UNC5C: variants seen among roughly 807,000 people sequenced by gnomAD.
UNC5C encodes the protein netrin receptor UNC5C.
A neutral mutation model predicts 99.8 loss-of-function variants in UNC5C; 47 were observed. The observed-to-expected ratio is 0.47, with a 90% confidence interval of 0.37 to 0.60. The LOEUF (loss-of-function observed/expected upper bound fraction) is 0.60, where lower values mean the gene tolerates loss of function less well. Ranked by LOEUF, UNC5C falls within the 20% of genes least tolerant of loss-of-function variation. The pLI is 0.00. For missense variants in UNC5C, 1,062 were observed against 1,165.9 expected (o/e 0.91, Z 1.30); for synonymous variants, 487 against 452.2 (o/e 1.08, Z -0.98).
intron 12 of UNC5C, among the ~76,000 whole-genome samples, chr4:95,200,084 C>CT (rs1446439000): frequency 6.6e-6 from 1 of 152,184 alleles, no homozygotes; most frequent in African/African-American, 2.4e-5. Context: ...TGGCAACAGG[C>CT]TTCTAGCTCA....
chr4:95,235,633 T>C (rs1456982328), intron 7 of UNC5C, among the ~76,000 whole-genome samples: 2 of 152,242 alleles, frequency 1.3e-5, no homozygotes, highest in Non-Finnish European at 2.9e-5. Flanking sequence ...CATTGCAGTC[T>C]TTAATCCATC....
chr4:95,340,153 A>T (rs947635851), intron 1 of UNC5C, among the ~76,000 whole-genome samples: 1 of 152,108 alleles, frequency 6.6e-6, no homozygotes, highest in Non-Finnish European at 1.5e-5. Flanking sequence ...ATATTATGCT[A>T]TGAACATCAA....
chr4:95,500,346 C>A (rs1721745865), intron 1 of UNC5C, among the ~76,000 whole-genome samples: 1 of 151,966 alleles, frequency 6.6e-6, no homozygotes, highest in African/African-American at 2.4e-5. Context: ...AGAACAGGGA[C>A]TATAGAAGTG....
intron 1 of UNC5C, among the ~76,000 whole-genome samples, chr4:95,478,211 T>C (rs1721006450): frequency 6.6e-6 from 1 of 152,000 alleles, no homozygotes; most frequent in Non-Finnish European, 1.5e-5. Context: ...CTATCCATTA[T>C]GGATAGCATC....
intron 1 of UNC5C, among the ~76,000 whole-genome samples, chr4:95,370,595 G>C (rs974170409): frequency 2.0e-5 from 3 of 152,106 alleles, no homozygotes; most frequent in Non-Finnish European, 4.4e-5. Flanking sequence ...AGGTTTATTT[G>C]TACTCATTTT....
rs187509326 is a variant in UNC5C at position 95,165,286 on chromosome 4, G to A, written c.*3948C>T. The A allele has an allele frequency of 6.6e-6, 1 of 152,330 alleles. No individual in the cohort carries two copies. Among genetic ancestry groups the A allele is most frequent in the African/African-American group, 2.4e-5 (1 of 41,558 alleles). 9.4% of individuals were successfully genotyped at this position (152,330 alleles called of 1,614,324 possible). A position where few individuals can be genotyped will look rare whatever the true frequency, so the allele number is the denominator to read the frequency against. On this transcript the variant is annotated 3_prime_UTR_variant, in exon 16 of 16. Coordinates refer to ENST00000453304, the MANE Select transcript of UNC5C (RefSeq NM_003728.4). ...TCGCTCTACTTTTTGATAGTTGAGA[G>A]ACTTAAATCTATAAAATAGTATATA... is the stretch of plus-strand genomic sequence containing the variant.
At chr4:95,330,234 G>T (rs1026471262) in intron 2 of UNC5C, among the ~76,000 whole-genome samples, 3 of 151,876 alleles carry the variant, frequency 2.0e-5, no homozygotes, top group African/African-American at 7.3e-5. Context: ...TATTTATAAT[G>T]AGTTGGGTTT....
At chr4:95,314,174 C>T (rs140000311) in intron 2 of UNC5C, among the ~76,000 whole-genome samples, 1 of 152,204 alleles carries the variant, frequency 6.6e-6, no homozygotes, top group East Asian at 1.9e-4. Context: ...TAGTCACATA[C>T]CCAGATGAGA....
chr4:95,324,961 G>A (rs1329488329), intron 2 of UNC5C, among the ~76,000 whole-genome samples: 2 of 152,058 alleles, frequency 1.3e-5, no homozygotes, highest in African/African-American at 4.8e-5. Context: ...CTCCAAAACG[G>A]GAATATAATT....
At chr4:95,517,251 C>G (rs1192542739) in intron 1 of UNC5C, among the ~76,000 whole-genome samples, 1 of 152,170 alleles carries the variant, frequency 6.6e-6, no homozygotes, top group Non-Finnish European at 1.5e-5. Context: ...CCTGCTTCCT[C>G]CAAATACAAT....
chr4:95,381,764 TA>T (rs1164380710), intron 1 of UNC5C, among the ~76,000 whole-genome samples: 5 of 152,078 alleles, frequency 3.3e-5, no homozygotes, highest in African/African-American at 4.8e-5. Context: ...GTGCTTAGAT[TA>T]AAAAAAACCT....
chr4:95,328,320 G>GC (rs1001515101), intron 2 of UNC5C, among the ~76,000 whole-genome samples: 1 of 90,824 alleles, frequency 1.1e-5, no homozygotes, highest in Non-Finnish European at 2.5e-5. Context: ...GCGGTGTTTG[G>GC]TTTTTTGCTC....
intron 2 of UNC5C, among the ~76,000 whole-genome samples, chr4:95,328,887 C>T (rs1349347714): frequency 6.6e-6 from 1 of 152,174 alleles, no homozygotes; most frequent in South Asian, 2.1e-4. Flanking sequence ...GGGTTCCTTC[C>T]TGCTGGAGCC....
chr4:95,226,476 T>C (rs977777341), intron 7 of UNC5C, among the ~76,000 whole-genome samples: 6 of 152,202 alleles, frequency 3.9e-5, no homozygotes, highest in Non-Finnish European at 8.8e-5. Flanking sequence ...TACTAAGGTA[T>C]ACTAAGATGC....
chr4:95,343,342 A>T (rs1743649387), intron 1 of UNC5C, among the ~76,000 whole-genome samples: 1 of 152,056 alleles, frequency 6.6e-6, no homozygotes, highest in South Asian at 2.1e-4. Context: ...TTTGTTTGGG[A>T]GAAAGTAAGG....
intron 1 of UNC5C, among the ~76,000 whole-genome samples, chr4:95,436,997 G>GAAA (rs34226369): frequency 1.5e-5 from 2 of 129,166 alleles, no homozygotes; most frequent in Non-Finnish European, 3.3e-5. Context: ...TTTCTTTCTT[G>GAAA]AAAAAAAAAA....
At chr4:95,491,734 T>C (rs265012) in intron 1 of UNC5C, among the ~76,000 whole-genome samples, 87,702 of 151,372 alleles carry the variant, frequency 0.58, 25,715 homozygotes, top group African/African-American at 0.67. Flanking sequence ...TAAAATATGT[T>C]GTGTTCCAAA....
chr4:95,389,261 T>C (rs1032059987), intron 1 of UNC5C, among the ~76,000 whole-genome samples: 1 of 152,316 alleles, frequency 6.6e-6, no homozygotes, highest in African/African-American at 2.4e-5. Context: ...GTTAAGGCAA[T>C]TTCCCAAGGT....
chr4:95,490,603 A>G (rs1259281544), intron 1 of UNC5C, among the ~76,000 whole-genome samples: 1 of 151,698 alleles, frequency 6.6e-6, no homozygotes, highest in Non-Finnish European at 1.5e-5. Context: ...CATAACCACA[A>G]ATATAAATGG....
Sources: allele counts gnomAD v4.1 joint callset (sites outside exome capture counted in the v4.1 genomes callset), GRCh38; gene constraint gnomAD v4.1.1; transcripts MANE v1.5; gene names NCBI Gene and HGNC (gene_info 2026-07-23, HGNC 2026-07-21).